Variants in DPP6 observed in about 807,000 individuals in gnomAD.
DPP6 encodes A-type potassium channel modulatory protein DPP6.
A neutral mutation model predicts 122.6 loss-of-function variants in DPP6; 69 were observed. The ratio of observed to expected loss-of-function variants is 0.56; its 90% CI spans 0.46 to 0.69. The LOEUF (loss-of-function observed/expected upper bound fraction) is 0.69. Ranked by LOEUF, DPP6 falls within the 30% of genes least tolerant of loss-of-function variation. DPP6 has a pLI of 0.00. For missense variants in DPP6, 928 were observed against 1,116.9 expected, an observed-to-expected ratio of 0.83 and a Z score of 2.41; for synonymous variants, 418 against 433.1, an observed-to-expected ratio of 0.97 and a Z score of 0.43.
chr7:153,767,051 A>G, the DPP6 span, among the ~76,000 whole-genome samples: 1 of 152,170 alleles, frequency 6.6e-6, no homozygotes, highest in South Asian at 2.1e-4. Flanking sequence ...TAGTCTTTAA[A>G]TGATGTGTTA....
rs79559356 is a variant in DPP6, at chr7:154,540,329, A to G, written c.458-203A>G. Among the ~76,000 whole-genome samples the G allele has an allele frequency of 0.033, 4,966 of 152,220 alleles. 272 individuals carry two copies. Among genetic ancestry groups the G allele is most frequent in the African/African-American group, 0.11 (4,626 of 41,526 alleles). ...GTGTGCGCCTGTGCTTTCTATGTCA[A>G]TGTGTAAAGTAGGAGAGAAGCATCA... On this transcript the variant is annotated intron_variant, in intron 3 of 25. Transcript: ENST00000377770.
chr7:153,919,354 G>T (rs538141153), intron 1 of DPP6, among the ~76,000 whole-genome samples: 1 of 152,270 alleles, frequency 6.6e-6, no homozygotes, highest in South Asian at 2.1e-4. Flanking sequence ...CGAATGCCTG[G>T]CTGGGGACAA....
chr7:154,210,667 C>T (rs910889227), intron 1 of DPP6, among the ~76,000 whole-genome samples: 7 of 152,128 alleles, frequency 4.6e-5, no homozygotes, highest in East Asian at 1.9e-4. Flanking sequence ...GGCACCTGGA[C>T]GAGCCCTGAG....
intron 20 of DPP6, among the ~76,000 whole-genome samples, chr7:154,880,388 G>A (rs1357365161): frequency 6.6e-6 from 1 of 152,250 alleles, no homozygotes; most frequent in Non-Finnish European, 1.5e-5. Flanking sequence ...CAAGACAGGG[G>A]CCTCCTCCCA....
At chr7:153,983,764 G>C (rs1428791464) in intron 1 of DPP6, among the ~76,000 whole-genome samples, 1 of 152,062 alleles carries the variant, frequency 6.6e-6, no homozygotes. Context: ...GTCCCTCACG[G>C]CACAGTCCCT....
intron 1 of DPP6, among the ~76,000 whole-genome samples, chr7:154,287,135 C>T (rs1804907756): frequency 6.6e-6 from 1 of 152,186 alleles, no homozygotes; most frequent in Non-Finnish European, 1.5e-5. Flanking sequence ...GAAAAGAAAG[C>T]ATGCAGTGTC....
chr7:153,830,241 G>A, the DPP6 span, among the ~76,000 whole-genome samples: 1 of 152,184 alleles, frequency 6.6e-6, no homozygotes, highest in African/African-American at 2.4e-5. Context: ...TAGCCAAAAA[G>A]CCCTCAGCGA....
In DPP6 at chr7:154,821,639, TATATATACAC is replaced by T. The variant is rs1402425694; in HGVS notation, c.1666+14535_1666+14544del. ...TATATTTTTTTTCTGTATATATATA[TATATATACAC>T]ATATATATATATATACACATATATA... On this transcript the variant is annotated intron_variant, in intron 16 of 25. Transcript: ENST00000377770. The surrounding 1 kb of genome is among the most constrained non-coding windows in gnomAD (Gnocchi z 4.2). Among the ~76,000 whole-genome samples, 316 of 93,736 alleles carry T rather than the reference TATATATACAC, an allele frequency of 3.4e-3. 1 individual carries two copies. The highest frequency in any genetic ancestry group is 0.017 in the African/African-American group (286 of 16,914). 61.5% of individuals were successfully genotyped at this position (93,736 alleles called of 152,430 possible).
chr7:154,362,919 C>T (rs1811856246), intron 1 of DPP6, among the ~76,000 whole-genome samples: 1 of 152,228 alleles, frequency 6.6e-6, no homozygotes, highest in East Asian at 1.9e-4. Flanking sequence ...TTCGTCCCTG[C>T]ACCAACCATC....
chr7:154,062,705 G>T (rs1802176100), intron 1 of DPP6, among the ~76,000 whole-genome samples: 1 of 66,932 alleles, frequency 1.5e-5, no homozygotes. Flanking sequence ...TTCCGCACCT[G>T]GCTGTTGGTA....
chr7:153,832,878 T>A, the DPP6 span, among the ~76,000 whole-genome samples: 1 of 152,220 alleles, frequency 6.6e-6, no homozygotes, highest in Non-Finnish European at 1.5e-5. Context: ...TCATGTCGTG[T>A]TGGGGCAATA....
chr7:154,177,830 G>A (rs1797881127), intron 1 of DPP6, among the ~76,000 whole-genome samples: 1 of 152,206 alleles, frequency 6.6e-6, no homozygotes, highest in Non-Finnish European at 1.5e-5. Flanking sequence ...AAGGCTCATG[G>A]TGGATGTGAA....
intron 4 of DPP6, among the ~76,000 whole-genome samples, chr7:154,541,908 A>T (rs1828760887): frequency 6.6e-6 from 1 of 152,118 alleles, no homozygotes; most frequent in East Asian, 1.9e-4. Flanking sequence ...GGTGTCCCAG[A>T]AGCCTGTGTC....
intron 1 of DPP6, among the ~76,000 whole-genome samples, chr7:154,386,199 A>G (rs948376615): frequency 3.9e-5 from 6 of 152,092 alleles, no homozygotes; most frequent in Admixed American, 6.6e-5. Flanking sequence ...ATCTGTATCC[A>G]TGTAGGTTTT....
At chr7:154,466,872 C>A (rs567791319) in intron 2 of DPP6, among the ~76,000 whole-genome samples, 129 of 152,280 alleles carry the variant, frequency 8.5e-4, no homozygotes, top group Non-Finnish European at 1.5e-3. Flanking sequence ...ATTATAGTAT[C>A]AACTCAAAGT....
upstream of DPP6, among the ~76,000 whole-genome samples, chr7:153,884,360 A>G (rs1019384249): frequency 1.6e-4 from 25 of 152,322 alleles, no homozygotes; most frequent in Admixed American, 1.4e-3. Flanking sequence ...TTATGGCTGC[A>G]TAGTATTCCA....
At chr7:153,868,860 C>G in the DPP6 span, among the ~76,000 whole-genome samples, 434 of 152,144 alleles carry the variant, frequency 2.9e-3, 4 homozygotes, top group African/African-American at 9.7e-3. Flanking sequence ...TGTCTTTGTT[C>G]TCGTTGGTTT....
chr7:154,775,913 T>G (rs1294170637), intron 10 of DPP6, among the ~76,000 whole-genome samples: 1 of 152,128 alleles, frequency 6.6e-6, no homozygotes, highest in Non-Finnish European at 1.5e-5. Context: ...CAACTCCACC[T>G]TCCAGGATCC....
At chr7:154,518,487 G>C (rs1826715213) in intron 3 of DPP6, among the ~76,000 whole-genome samples, 1 of 152,180 alleles carries the variant, frequency 6.6e-6, no homozygotes, top group African/African-American at 2.4e-5. Flanking sequence ...CCATGCCCAG[G>C]TGACAGCACT....
Sources: gnomAD v4.1 joint callset for allele counts (sites outside exome capture counted in the v4.1 genomes callset) on GRCh38, gnomAD v4.1.1 for gene constraint, Gnocchi (gnomAD v3.1) non-coding constraint, MANE v1.5 for transcripts, NCBI Gene and HGNC (gene_info 2026-07-23, HGNC 2026-07-21) for gene names.